NLGN1: variants seen among roughly 807,000 people sequenced by gnomAD.
NLGN1 encodes the protein neuroligin 1.
Under a neutral mutation model 65.5 loss-of-function variants are expected in NLGN1, and 12 were observed. That is an observed-to-expected ratio of 0.18 (90% CI 0.12 to 0.30). NLGN1 has a LOEUF of 0.30. Ranked by LOEUF, NLGN1 falls within the 10% of genes least tolerant of loss-of-function variation. The probability of loss-of-function intolerance (pLI) is 1.00; values close to 1 mark genes in which losing one functional copy is unlikely to be tolerated. For missense variants in NLGN1, 750 were observed against 1,007.1 expected, an observed-to-expected ratio of 0.74 and a Z score of 3.46; for synonymous variants, 350 against 359.5, an observed-to-expected ratio of 0.97 and a Z score of 0.30.
At chr3:174,168,109 C>T (rs1292047047) in intron 4 of NLGN1, among the ~76,000 whole-genome samples, 3 of 152,032 alleles carry the variant, frequency 2.0e-5, no homozygotes, top group Non-Finnish European at 4.4e-5. Flanking sequence ...TCTCTTCCTT[C>T]ATTTCCTGGA....
At chr3:173,867,804 G>T (rs1018683363) in intron 4 of NLGN1, among the ~76,000 whole-genome samples, 6 of 151,940 alleles carry the variant, frequency 3.9e-5, no homozygotes, top group Non-Finnish European at 8.8e-5. Context: ...TGATAGGTTG[G>T]GAAGTTTAAA....
intron 4 of NLGN1, among the ~76,000 whole-genome samples, chr3:174,098,105 A>G (rs1417378169): frequency 6.6e-6 from 1 of 152,228 alleles, no homozygotes; most frequent in Non-Finnish European, 1.5e-5. Flanking sequence ...AAAAATAAAA[A>G]GGAAATTTAC....
At chr3:173,673,507 C>A (rs1257915381) in intron 3 of NLGN1, among the ~76,000 whole-genome samples, 1 of 152,090 alleles carries the variant, frequency 6.6e-6, no homozygotes, top group African/African-American at 2.4e-5. Flanking sequence ...AGTTTGCTTA[C>A]CATGATTTTT....
intron 2 of NLGN1, among the ~76,000 whole-genome samples, chr3:173,455,348 A>T (rs1477671590): frequency 6.6e-6 from 1 of 152,038 alleles, no homozygotes; most frequent in Non-Finnish European, 1.5e-5. Context: ...ACTCATTATT[A>T]TGAGGGGGCA....
intron 2 of NLGN1, among the ~76,000 whole-genome samples, chr3:173,541,014 A>G (rs1290829013): frequency 2.6e-5 from 4 of 152,164 alleles, no homozygotes; most frequent in South Asian, 2.1e-4. Context: ...TGTATCAAGG[A>G]TGATAAATAC....
intron 4 of NLGN1, among the ~76,000 whole-genome samples, chr3:174,056,570 A>G (rs969439436): frequency 3.3e-5 from 5 of 152,052 alleles, no homozygotes; most frequent in African/African-American, 4.8e-5. Context: ...ACGAGAATCC[A>G]AAGTTTGTAT....
intron 4 of NLGN1, among the ~76,000 whole-genome samples, chr3:173,966,031 G>A (rs1714791824): frequency 6.6e-6 from 1 of 152,062 alleles, no homozygotes; most frequent in Non-Finnish European, 1.5e-5. Flanking sequence ...ATTTTGTATA[G>A]CTCATTGGTA....
At chr3:173,906,846 T>G (rs1301520527) in intron 4 of NLGN1, among the ~76,000 whole-genome samples, 1 of 134,952 alleles carries the variant, frequency 7.4e-6, no homozygotes, top group East Asian at 2.1e-4. Context: ...GCTAACATAG[T>G]GAGACCTCAT....
chr3:173,863,134 TAAA>T (rs57735470), intron 4 of NLGN1, among the ~76,000 whole-genome samples: 5 of 142,644 alleles, frequency 3.5e-5, no homozygotes, highest in African/African-American at 1.3e-4. Flanking sequence ...CGATGGCTGA[TAAA>T]AAAAAAAAAA....
At chr3:173,772,596 C>T (rs1174315479) in intron 3 of NLGN1, among the ~76,000 whole-genome samples, 1 of 152,080 alleles carries the variant, frequency 6.6e-6, no homozygotes, top group Non-Finnish European at 1.5e-5. Context: ...CCAGCCTGGG[C>T]AACAGGAGTG....
chr3:174,032,814 A>T (rs758513635), intron 4 of NLGN1, among the ~76,000 whole-genome samples: 4 of 152,144 alleles, frequency 2.6e-5, no homozygotes, highest in African/African-American at 9.7e-5. Flanking sequence ...GGCTTATCCC[A>T]GTGGAGGAAG....
At chr3:173,806,978 C>G (rs1419168253) in intron 3 of NLGN1, among the ~76,000 whole-genome samples, 2 of 152,110 alleles carry the variant, frequency 1.3e-5, no homozygotes, top group African/African-American at 4.8e-5. Flanking sequence ...TGTCTGTTCT[C>G]TTCTTCCAAA....
In NLGN1 at chr3:173,852,083, G is replaced by A. The variant is rs182748421; in HGVS notation, c.646+44251G>A. ...TTGAGACTAAAAGTAAGTGGTTGGC[G>A]CGGTGGCTCACGCCTGTAATCCCAG... On this transcript the variant is annotated intron_variant, in intron 4 of 6. Transcript: ENST00000457714. Among the ~76,000 whole-genome samples the A allele has an allele frequency of 6.4e-3, 967 of 151,878 alleles. 13 individuals carry two copies. Among genetic ancestry groups the A allele is most frequent in the African/African-American group, 0.022 (905 of 41,422 alleles).
chr3:173,831,487 A>G (rs1031053149), intron 4 of NLGN1, among the ~76,000 whole-genome samples: 4 of 152,216 alleles, frequency 2.6e-5, no homozygotes, highest in African/African-American at 9.7e-5. Context: ...CAAGATGACA[A>G]ACACTGGTGC....
intron 4 of NLGN1, among the ~76,000 whole-genome samples, chr3:173,861,051 A>G (rs1467838328): frequency 2.0e-5 from 3 of 152,142 alleles, no homozygotes; most frequent in Non-Finnish European, 2.9e-5. Context: ...CTTCTCTATC[A>G]CAGTGCATGA....
chr3:173,716,159 A>G (rs3843976), intron 3 of NLGN1, among the ~76,000 whole-genome samples: 137,604 of 152,194 alleles, frequency 0.9, 62,230 homozygotes, highest in East Asian at 1. Flanking sequence ...AAGAGCTGGT[A>G]GAGACAGTGA....
chr3:174,077,096 T>C (rs1424151406), intron 4 of NLGN1, among the ~76,000 whole-genome samples: 1 of 152,184 alleles, frequency 6.6e-6, no homozygotes, highest in Non-Finnish European at 1.5e-5. Flanking sequence ...AAATTTGCCT[T>C]ATGTATCTTA....
At chr3:173,596,179 C>T (rs1034233301) in intron 2 of NLGN1, among the ~76,000 whole-genome samples, 1 of 151,860 alleles carries the variant, frequency 6.6e-6, no homozygotes, top group Non-Finnish European at 1.5e-5. Flanking sequence ...ATTCTATTTT[C>T]TCTCTCTCTT....
At chr3:173,543,373 A>G (rs1295855998) in intron 2 of NLGN1, among the ~76,000 whole-genome samples, 2 of 152,130 alleles carry the variant, frequency 1.3e-5, no homozygotes, top group Non-Finnish European at 2.9e-5. Flanking sequence ...TTAGTAAAGA[A>G]CTTTTAGCTT....
Sources: allele counts gnomAD v4.1 joint callset (sites outside exome capture counted in the v4.1 genomes callset), GRCh38; gene constraint gnomAD v4.1.1; transcripts MANE v1.5; gene names NCBI Gene and HGNC (gene_info 2026-07-23, HGNC 2026-07-21).